Variants in FRAS1 observed in about 807,000 individuals in gnomAD.
FRAS1 encodes the protein Fraser extracellular matrix complex subunit 1.
Under a neutral mutation model 435.2 loss-of-function variants are expected in FRAS1, and 290 were observed. That is an observed-to-expected ratio of 0.67 (90% confidence interval 0.61 to 0.73). FRAS1 has a LOEUF of 0.73. Among genes scored for constraint, FRAS1 ranks in the 30% least tolerant of loss-of-function variants. The pLI, the probability that FRAS1 is intolerant of heterozygous loss-of-function variation, is 0.00. For synonymous variants in FRAS1, 1,800 were observed against 1,851.0 expected (o/e 0.97, Z 0.71); for missense variants, 4,860 against 5,001.5 (o/e 0.97, Z 0.85).
chr4:78,173,096 A>G (rs1367084936), intron 2 of FRAS1, among the ~76,000 whole-genome samples: 6 of 152,334 alleles, frequency 3.9e-5, no homozygotes, highest in South Asian at 2.1e-4. Flanking sequence ...AACTCTGCTC[A>G]GTTTCTGACT....
intron 14 of FRAS1, among the ~76,000 whole-genome samples, chr4:78,298,714 T>C (rs1265504640): frequency 6.6e-6 from 1 of 152,230 alleles, no homozygotes; most frequent in Non-Finnish European, 1.5e-5. Context: ...AGAAGGTAAC[T>C]GAAAGGATGA....
Position 78,507,557 on chromosome 4 carries a change from A to G in FRAS1, c.9453A>G (p.Thr3151=). 1 of 1,611,062 alleles carries G rather than the reference A, an allele frequency of 6.2e-7. No homozygotes were observed. The highest frequency in any genetic ancestry group is 1.3e-5 in the African/African-American group (1 of 74,898). Reference sequence around the variant, plus strand: ...GGGATGTGACTACTGCCACGGTGACAATTCTAGACCAGGAGGCAGCAGGGA... The same window carrying G: ...GGGATGTGACTACTGCCACGGTGACGATTCTAGACCAGGAGGCAGCAGGGA... ...VLGDVTTATV[T]ILDQEAAGSL... is the part of the protein sequence containing the mutation. The change falls in exon 62 of 74, where the codon ACA becomes ACG. Residue 3151 remains threonine (T), a synonymous_variant. Coordinates refer to ENST00000512123, the MANE Select transcript of FRAS1 (RefSeq NM_025074.7).
rs1192288613 is a variant in FRAS1 at position 78,271,894 on chromosome 4, T to A, written c.981+4462T>A. ...AGATCCCTGAGGAATTGGCACACTG[T>A]CTTCCACAATGGTTGAACTAGTTTA... On this transcript the variant is annotated intron_variant, in intron 9 of 73. Transcript: ENST00000512123. 5.3e-5 allele frequency among the ~76,000 whole-genome samples: 8 copies of A among 152,346 alleles called. No homozygotes were observed. The East Asian group carries it at 1.3e-3, about 26-fold the overall frequency.
At chr4:78,302,425 C>T (rs1439779464) in intron 14 of FRAS1, among the ~76,000 whole-genome samples, 11 of 152,070 alleles carry the variant, frequency 7.2e-5, no homozygotes, top group East Asian at 1.9e-4. Flanking sequence ...CCTGAGGAAT[C>T]GCCACACTGA....
At chr4:78,342,067 G>A (rs1489030148) in intron 20 of FRAS1, among the ~76,000 whole-genome samples, 1 of 152,170 alleles carries the variant, frequency 6.6e-6, no homozygotes, top group Non-Finnish European at 1.5e-5. Context: ...GCAAAGCCGA[G>A]GATAATCTAC....
chr4:78,116,303 T>A (rs1743169738), intron 2 of FRAS1, among the ~76,000 whole-genome samples: 2 of 152,180 alleles, frequency 1.3e-5, no homozygotes, highest in South Asian at 4.1e-4. Flanking sequence ...GAATGTGTAT[T>A]CTGTTGATTT....
chr4:78,298,003 CCTCT>C (rs765903880), intron 14 of FRAS1, among the ~76,000 whole-genome samples: 2,730 of 119,176 alleles, frequency 0.023, 47 homozygotes, highest in Middle Eastern at 0.038. Flanking sequence ...TTAATTTGTT[CCTCT>C]CTCTCTCTCT....
chr4:78,543,979 G>A lies in FRAS1; in HGVS notation c.*2855G>A, dbSNP rs762646954. On this transcript the variant is annotated 3_prime_UTR_variant, in exon 74 of 74. Transcript: ENST00000512123. ...TTGCTGCCCTTTTATTGTACCCCAG[G>A]CCTCCTAGAGGACTCCTGCAGATTC... The A allele has an allele frequency of 6.6e-6, 1 of 152,590 alleles. No individual in the cohort carries two copies. Among genetic ancestry groups the A allele is most frequent in the Non-Finnish European group, 1.5e-5 (1 of 68,044 alleles). 9.5% of individuals were successfully genotyped at this position (152,590 alleles called of 1,614,324 possible). A position where few individuals can be genotyped will look rare whatever the true frequency, so the allele number is the denominator to read the frequency against.
intron 2 of FRAS1, among the ~76,000 whole-genome samples, chr4:78,184,800 C>G (rs751881670): frequency 6.6e-6 from 1 of 152,206 alleles, no homozygotes; most frequent in Non-Finnish European, 1.5e-5. Flanking sequence ...AAGATGATGT[C>G]TGTAGCTTAA....
At chr4:78,441,768 A>G (rs911331503) in intron 41 of FRAS1, among the ~76,000 whole-genome samples, 1 of 152,202 alleles carries the variant, frequency 6.6e-6, no homozygotes, top group Non-Finnish European at 1.5e-5. Context: ...GCTGCAGTTT[A>G]GCTGAACCAT....
chr4:78,159,868 G>A (rs947785354), intron 2 of FRAS1, among the ~76,000 whole-genome samples: 3 of 152,120 alleles, frequency 2.0e-5, no homozygotes, highest in South Asian at 4.1e-4. Context: ...GTGACAGAGT[G>A]AGACTCCATC....
At position 78,430,358 on chromosome 4, in the gene FRAS1, C is replaced by T. The variant is rs762681711; in HGVS notation, c.4910C>T (p.Pro1637Leu). Residue 1637 changes from proline (P) to leucine (L), a missense_variant, in exon 37 of 74, where the codon CCT (proline) becomes CTT (leucine). Coordinates refer to ENST00000512123, the MANE Select transcript of FRAS1 (RefSeq NM_025074.7). ...PKELFFELRR[P>L]PQHGVLLKHT... ...GAACTCTTCTTTGAGCTTCGGAGAC[C>T]TCCACAGCATGGTGTGCTTCTTAAG... The T allele has an allele frequency of 6.2e-7, 1 of 1,613,882 alleles. No individual in the cohort carries two copies. The highest frequency in any genetic ancestry group is 8.5e-7 in the Non-Finnish European group (1 of 1,179,870).
rs780118461 is a variant in FRAS1 at position 78,183,116 on chromosome 4, G to A, written c.109-54394G>A. ...CTGATGTTGAGACAGGGTCGAGAGT[G>A]TCCAGAGTTGTAGTGGGTCAAGCCA... On this transcript the variant is annotated intron_variant, in intron 2 of 73. Coordinates refer to ENST00000512123, the MANE Select transcript of FRAS1 (RefSeq NM_025074.7). Among the ~76,000 whole-genome samples, 62 of 152,196 alleles carry A rather than the reference G, an allele frequency of 4.1e-4. 1 individual carries two copies. The highest frequency in any genetic ancestry group is 2.0e-4 in the Admixed American group (3 of 15,286).
rs1175119475 is a variant in FRAS1, at chr4:78,535,054, TCTATC to T, written c.11092+445_11092+449del. ...TCTATCCGTTTACCACAGGCTGGAT[TCTATC>T]CTATCTTTCTCTTGTCGATGACACC... On this transcript the variant is annotated intron_variant, in intron 71 of 73. Coordinates refer to ENST00000512123, the MANE Select transcript of FRAS1 (RefSeq NM_025074.7). Among the ~76,000 whole-genome samples the T allele has an allele frequency of 3.3e-5, 5 of 152,298 alleles. No individual in the cohort carries two copies. The South Asian group carries it at 6.2e-4, about 19-fold the overall frequency.
At chr4:78,165,664 G>C (rs529826729) in intron 2 of FRAS1, among the ~76,000 whole-genome samples, 4 of 152,330 alleles carry the variant, frequency 2.6e-5, no homozygotes, top group African/African-American at 9.6e-5. Context: ...AGGCTTGTGT[G>C]ATCTTGATTG....
At chr4:78,067,714 T>A (rs1473128874) in intron 2 of FRAS1, among the ~76,000 whole-genome samples, 1 of 83,472 alleles carries the variant, frequency 1.2e-5, no homozygotes, top group Non-Finnish European at 2.3e-5. Flanking sequence ...TATTATTATT[T>A]GTAAGATAGG....
At chr4:78,222,351 A>C (rs1171931254) in intron 2 of FRAS1, among the ~76,000 whole-genome samples, 11 of 152,022 alleles carry the variant, frequency 7.2e-5, no homozygotes, top group Admixed American at 7.2e-4. Context: ...TGTGCATTTC[A>C]TCTCACCGAT....
chr4:78,495,276 T>A, intron 59 of FRAS1, among the ~76,000 whole-genome samples: 1 of 121,898 alleles, frequency 8.2e-6, no homozygotes, highest in East Asian at 2.9e-4. Context: ...TGTCACTTAT[T>A]TATTACCATT....
intron 66 of FRAS1, among the ~76,000 whole-genome samples, chr4:78,518,152 A>G (rs1465609066): frequency 6.6e-6 from 1 of 151,716 alleles, no homozygotes; most frequent in Admixed American, 6.6e-5. Flanking sequence ...AAACAAACAA[A>G]GTAAGGCATG....
Sources: gnomAD v4.1 joint callset for allele counts (sites outside exome capture counted in the v4.1 genomes callset) on GRCh38, gnomAD v4.1.1 for gene constraint, MANE v1.5 for transcripts, NCBI Gene and HGNC (gene_info 2026-07-23, HGNC 2026-07-21) for gene names.